The following SGCD variants were observed in gnomAD, a reference collection of about 807,000 sequenced individuals.
SGCD encodes sarcoglycan delta, also known as delta-sarcoglycan.
Under a neutral mutation model 36.6 loss-of-function variants are expected in SGCD, and 18 were observed. The observed-to-expected ratio is 0.49, with a 90% confidence interval of 0.34 to 0.73. The LOEUF (loss-of-function observed/expected upper bound fraction) is 0.73. SGCD is among the 30% of genes least tolerant of loss of function. SGCD has a pLI of 0.01. For missense variants in SGCD, 387 were observed against 346.7 expected (o/e 1.12, Z -0.92); for synonymous variants, 133 against 130.6 (o/e 1.02, Z -0.12).
intron 1 of SGCD, among the ~76,000 whole-genome samples, chr5:155,903,489 C>T (rs545917398): frequency 2.0e-5 from 3 of 152,164 alleles, no homozygotes; most frequent in South Asian, 4.2e-4. Context: ...TTGGTTCAGC[C>T]CATGCCCACC....
intron 1 of SGCD, among the ~76,000 whole-genome samples, chr5:156,000,884 A>G (rs937116303): frequency 6.6e-6 from 1 of 152,052 alleles, no homozygotes; most frequent in Non-Finnish European, 1.5e-5. Context: ...TGCGTATGTA[A>G]TAAGTTCCCA....
chr5:156,727,542 A>G (rs1243158515), intron 7 of SGCD, among the ~76,000 whole-genome samples: 1 of 152,238 alleles, frequency 6.6e-6, no homozygotes, highest in Non-Finnish European at 1.5e-5. Context: ...AATGATTCAA[A>G]ATATTAGCAA....
chr5:156,720,033 C>T (rs1755418197), intron 7 of SGCD, among the ~76,000 whole-genome samples: 1 of 152,144 alleles, frequency 6.6e-6, no homozygotes, highest in Non-Finnish European at 1.5e-5. Flanking sequence ...TAGCTCCTAC[C>T]CTGGTAGTCC....
At chr5:156,634,602 A>C (rs1295265633) in intron 6 of SGCD, among the ~76,000 whole-genome samples, 3 of 152,078 alleles carry the variant, frequency 2.0e-5, no homozygotes, top group Non-Finnish European at 4.4e-5. Flanking sequence ...GGAAGCCAGG[A>C]TTTGGGGCTC....
intron 3 of SGCD, among the ~76,000 whole-genome samples, chr5:156,248,187 G>A (rs544617360): frequency 6.6e-6 from 1 of 152,130 alleles, no homozygotes; most frequent in African/African-American, 2.4e-5. Context: ...TCCAGGTAGA[G>A]GGAACAGAAA....
At chr5:156,009,532 G>C (rs1300157653) in intron 1 of SGCD, among the ~76,000 whole-genome samples, 3 of 152,140 alleles carry the variant, frequency 2.0e-5, no homozygotes, top group South Asian at 4.1e-4. Flanking sequence ...TGCTCCCAAG[G>C]CTCGGTCCAC....
At chr5:156,541,346 A>G (rs942914384) in intron 4 of SGCD, among the ~76,000 whole-genome samples, 2 of 152,154 alleles carry the variant, frequency 1.3e-5, no homozygotes, top group Non-Finnish European at 2.9e-5. Flanking sequence ...GTGTAAAACA[A>G]ATGTACCTTA....
intron 3 of SGCD, among the ~76,000 whole-genome samples, chr5:156,406,977 G>A (rs943934167): frequency 4.0e-5 from 6 of 151,744 alleles, no homozygotes; most frequent in Non-Finnish European, 8.8e-5. Context: ...AGAGTCCGAT[G>A]TTCAAAGGCA....
At chr5:156,226,177 A>G (rs575606902) in intron 3 of SGCD, among the ~76,000 whole-genome samples, 3 of 152,144 alleles carry the variant, frequency 2.0e-5, no homozygotes, top group African/African-American at 7.2e-5. Flanking sequence ...CCTGAGCAGT[A>G]TACACTGTAC....
At chr5:155,906,570 G>A (rs1756516301) in intron 1 of SGCD, among the ~76,000 whole-genome samples, 1 of 152,150 alleles carries the variant, frequency 6.6e-6, no homozygotes, top group Non-Finnish European at 1.5e-5. Context: ...TGCTGATAGG[G>A]AGAAAGTCTG....
chr5:156,559,014 C>CTAATAGAA (rs113764040), intron 4 of SGCD, among the ~76,000 whole-genome samples: 37,744 of 151,914 alleles, frequency 0.25, 5,506 homozygotes, highest in African/African-American at 0.41. Flanking sequence ...AAGAATAGGA[C>CTAATAGAA]TAAGAGCTCC....
chr5:156,743,473 C>T (rs1330701234), intron 7 of SGCD, among the ~76,000 whole-genome samples: 1 of 152,154 alleles, frequency 6.6e-6, no homozygotes, highest in Non-Finnish European at 1.5e-5. Flanking sequence ...CATAAAATTA[C>T]TTTCTTTCTA....
upstream of SGCD, among the ~76,000 whole-genome samples, chr5:155,869,384 C>T (rs935219581): frequency 1.3e-5 from 2 of 152,168 alleles, no homozygotes; most frequent in African/African-American, 4.8e-5. Flanking sequence ...TAACTCTACT[C>T]TCTCCTCACA....
rs191215927 is a variant in SGCD, at chr5:156,309,120, T to A, written c.-43-20414T>A. ...AGTTTGATTGTAATTTCTCTGTGTG[T>A]GTCCTTTGAGGTTATCTCCTTGGGT... On this transcript the variant is annotated intron_variant, in intron 3 of 9. Transcript: ENST00000517913. Among the ~76,000 whole-genome samples, 3 of 152,348 alleles carry A rather than the reference T, an allele frequency of 2.0e-5. No homozygotes were observed. The East Asian group carries it at 5.8e-4, about 29-fold the overall frequency.
chr5:156,131,523 A>T (rs1441099525), intron 3 of SGCD, among the ~76,000 whole-genome samples: 2 of 152,270 alleles, frequency 1.3e-5, no homozygotes, highest in African/African-American at 4.8e-5. Flanking sequence ...TTCCTAAGCC[A>T]GAGAATAATC....
At chr5:156,069,156 T>G (rs1471147001) in intron 1 of SGCD, among the ~76,000 whole-genome samples, 1 of 152,174 alleles carries the variant, frequency 6.6e-6, no homozygotes, top group African/African-American at 2.4e-5. Context: ...TTTTGGCTTT[T>G]GTTGCCATTG....
chr5:155,964,013 CA>C (rs1175679585), intron 1 of SGCD, among the ~76,000 whole-genome samples: 4 of 152,026 alleles, frequency 2.6e-5, no homozygotes, highest in Non-Finnish European at 5.9e-5. Flanking sequence ...AAGATGCATG[CA>C]AAAGTCAATG....
intron 1 of SGCD, among the ~76,000 whole-genome samples, chr5:156,046,646 G>A (rs183650165): frequency 6.6e-5 from 10 of 152,064 alleles, no homozygotes; most frequent in Non-Finnish European, 8.8e-5. Context: ...AATATAAGAC[G>A]GTGAACTTAA....
chr5:156,539,366 A>T (rs1007635072), intron 4 of SGCD, among the ~76,000 whole-genome samples: 3 of 151,918 alleles, frequency 2.0e-5, no homozygotes, highest in African/African-American at 7.3e-5. Context: ...GTCCCCTGAG[A>T]AGTATACACA....
Sources: allele counts gnomAD v4.1 joint callset (sites outside exome capture counted in the v4.1 genomes callset), GRCh38; gene constraint gnomAD v4.1.1; transcripts MANE v1.5; gene names NCBI Gene and HGNC (gene_info 2026-07-23, HGNC 2026-07-21).